Variants in TMC1 observed in about 807,000 individuals in gnomAD.
TMC1 encodes the protein transmembrane channel like 1, also known as transmembrane channel-like protein 1.
In TMC1, 84 loss-of-function variants were observed where a neutral mutation model predicts 105.8. The observed-to-expected ratio is 0.79, with a 90% CI of 0.67 to 0.95. The LOEUF is 0.95. Ranked by LOEUF, TMC1 falls within the 40% of genes least tolerant of loss-of-function variation. The pLI is 0.00. For synonymous variants in TMC1, 315 were observed against 311.5 expected (o/e 1.01, Z -0.12); for missense variants, 817 against 914.1 (o/e 0.89, Z 1.37).
chr9:72,606,996 TATATATAG>T (rs1454328464), intron 2 of TMC1, among the ~76,000 whole-genome samples: 3 of 99,854 alleles, frequency 3.0e-5, no homozygotes, highest in East Asian at 5.5e-4. Context: ...TATATATATA[TATATATAG>T]AGAGAGAGAG....
At position 72,788,848 on chromosome 9, in the gene TMC1, T is replaced by A. The variant is rs76511258; in HGVS notation, c.1030-275T>A. Reference sequence around the variant, plus strand: ...CCCTAAAACATTATTTTGTAGTTTTTTTTTTAATTCACTGGAATGAAGATT... The same window carrying A: ...CCCTAAAACATTATTTTGTAGTTTTATTTTTAATTCACTGGAATGAAGATT... On this transcript the variant is annotated intron_variant, in intron 14 of 23. Coordinates refer to ENST00000297784, the MANE Select transcript of TMC1 (RefSeq NM_138691.3). Among the ~76,000 whole-genome samples, 705 of 152,294 alleles carry A rather than the reference T, an allele frequency of 4.6e-3. 8 individuals are homozygous for A. Among genetic ancestry groups the A allele is most frequent in the African/African-American group, 0.015 (620 of 41,564 alleles).
chr9:72,594,647 C>T (rs551930103), intron 2 of TMC1, among the ~76,000 whole-genome samples: 14 of 152,244 alleles, frequency 9.2e-5, no homozygotes, highest in Non-Finnish European at 2.1e-4. Context: ...TTAGAAAACA[C>T]AAACTTTGAC....
intron 1 of TMC1, among the ~76,000 whole-genome samples, chr9:72,522,114 T>A (rs1374456929): frequency 6.6e-6 from 1 of 151,992 alleles, no homozygotes; most frequent in African/African-American, 2.4e-5. Flanking sequence ...TTATCTTTGT[T>A]TTTCTTGCAG....
chr9:72,604,100 C>T (rs1351037542), intron 2 of TMC1, among the ~76,000 whole-genome samples: 2 of 152,018 alleles, frequency 1.3e-5, no homozygotes, highest in Non-Finnish European at 2.9e-5. Flanking sequence ...ACACTGTTAT[C>T]TTCTCAGATT....
chr9:72,749,577 G>A (rs1417961797), intron 10 of TMC1, among the ~76,000 whole-genome samples: 1 of 152,062 alleles, frequency 6.6e-6, no homozygotes, highest in African/African-American at 2.4e-5. Context: ...TGCTGGGCTG[G>A]GCTGAGGTAG....
At chr9:72,726,497 C>T (rs1468969557) in intron 8 of TMC1, among the ~76,000 whole-genome samples, 2 of 152,124 alleles carry the variant, frequency 1.3e-5, no homozygotes, top group Non-Finnish European at 2.9e-5. Flanking sequence ...TGCAGAAAGG[C>T]CAGTTCACAT....
chr9:72,593,832 T>A (rs1027277118), intron 2 of TMC1, among the ~76,000 whole-genome samples: 1 of 152,178 alleles, frequency 6.6e-6, no homozygotes, highest in Non-Finnish European at 1.5e-5. Flanking sequence ...CATCTCTGGC[T>A]GGTTGTGTTG....
chr9:72,801,719 G>C (rs1413685463), intron 17 of TMC1, among the ~76,000 whole-genome samples: 1 of 152,234 alleles, frequency 6.6e-6, no homozygotes, highest in Admixed American at 6.5e-5. Context: ...CAGGAGGCCT[G>C]TGTGGGGGCT....
chr9:72,743,121 A>G (rs1827419632), intron 10 of TMC1, among the ~76,000 whole-genome samples: 1 of 151,900 alleles, frequency 6.6e-6, no homozygotes, highest in Admixed American at 6.6e-5. Flanking sequence ...TAATCCCAGC[A>G]CTTTGGGAGG....
intron 8 of TMC1, among the ~76,000 whole-genome samples, chr9:72,718,240 G>A (rs1826957011): frequency 6.6e-6 from 1 of 151,904 alleles, no homozygotes; most frequent in East Asian, 1.9e-4. Flanking sequence ...ATCCATTGCT[G>A]GTGAGCTATT....
At chr9:72,655,847 G>A in intron 5 of TMC1, 1 of 752,684 alleles carries the variant, frequency 1.3e-6, no homozygotes. Flanking sequence ...CGTCTACAAT[G>A]GTGACTTCCA....
intron 12 of TMC1, among the ~76,000 whole-genome samples, chr9:72,762,789 G>A (rs1461217964): frequency 6.6e-6 from 1 of 152,182 alleles, no homozygotes; most frequent in African/African-American, 2.4e-5. Context: ...GTAACGCTGG[G>A]ACTGGCAGTA....
At chr9:72,649,666 A>G (rs1825769433) in intron 5 of TMC1, among the ~76,000 whole-genome samples, 1 of 152,206 alleles carries the variant, frequency 6.6e-6, no homozygotes, top group Non-Finnish European at 1.5e-5. Flanking sequence ...GGCTCTACAC[A>G]TCTTTCCAAA....
chr9:72,805,586 T>C (rs1193495757), intron 18 of TMC1, 76 bp downstream of exon 18: 1 of 1,353,356 alleles, frequency 7.4e-7, no homozygotes, highest in Non-Finnish European at 1.0e-6. Context: ...TGGGTGTTTC[T>C]CACAGAGGGG....
At chr9:72,796,729 A>G (rs1828377377) in intron 17 of TMC1, among the ~76,000 whole-genome samples, 1 of 152,204 alleles carries the variant, frequency 6.6e-6, no homozygotes, top group Non-Finnish European at 1.5e-5. Context: ...ACCTCAAAAT[A>G]ATAAGAGCCT....
chr9:72,677,010 T>C (rs1826213329), intron 5 of TMC1, among the ~76,000 whole-genome samples: 1 of 152,118 alleles, frequency 6.6e-6, no homozygotes, highest in Non-Finnish European at 1.5e-5. Flanking sequence ...ATTTCTCTGG[T>C]GGAATTTACT....
chr9:72,710,439 G>A (rs181835723), intron 8 of TMC1, among the ~76,000 whole-genome samples: 1 of 152,192 alleles, frequency 6.6e-6, no homozygotes, highest in East Asian at 1.9e-4. Flanking sequence ...GCTGTCAGTG[G>A]AGTATTGAAG....
At chr9:72,778,762 T>C (rs1459507855) in intron 13 of TMC1, among the ~76,000 whole-genome samples, 2 of 152,122 alleles carry the variant, frequency 1.3e-5, no homozygotes, top group African/African-American at 4.8e-5. Flanking sequence ...TTTCCTGAGG[T>C]TCATGCCAGG....
At chr9:72,771,223 T>C (rs897042785) in intron 12 of TMC1, among the ~76,000 whole-genome samples, 1 of 152,206 alleles carries the variant, frequency 6.6e-6, no homozygotes, top group South Asian at 2.1e-4. Flanking sequence ...AGATTTTATT[T>C]TGTTCTAGTT....
Sources: allele counts gnomAD v4.1 joint callset (sites outside exome capture counted in the v4.1 genomes callset), GRCh38; gene constraint gnomAD v4.1.1; transcripts MANE v1.5; gene names NCBI Gene and HGNC (gene_info 2026-07-23, HGNC 2026-07-21).